Variants in M1AP observed in about 807,000 individuals in gnomAD.
M1AP encodes meiosis 1 arrest protein.
Under a neutral mutation model 51.2 loss-of-function variants are expected in M1AP, and 39 were observed. The ratio of observed to expected loss-of-function variants is 0.76; its 90% CI spans 0.59 to 1.00. M1AP has a LOEUF of 1.00. M1AP is among the 50% of genes least tolerant of loss of function. The probability of loss-of-function intolerance (pLI) is 0.00; values close to 1 mark genes in which losing one functional copy is unlikely to be tolerated. For missense variants in M1AP, 545 were observed against 641.2 expected (o/e 0.85, Z 1.62); for synonymous variants, 251 against 249.2 (o/e 1.01, Z -0.07).
intron 3 of M1AP, among the ~76,000 whole-genome samples, chr2:74,608,567 T>C (rs1681149527): frequency 6.6e-6 from 1 of 152,240 alleles, no homozygotes; most frequent in Non-Finnish European, 1.5e-5. Flanking sequence ...GATTTTTGTG[T>C]GGATAGGTTT....
chr2:74,563,075 T>TCC (rs1259549820), intron 7 of M1AP, among the ~76,000 whole-genome samples: 3 of 152,048 alleles, frequency 2.0e-5, no homozygotes, highest in Non-Finnish European at 4.4e-5. Flanking sequence ...CCCTGGAATG[T>TCC]CCAGAGAGGG....
Position 74,648,102 on chromosome 2 carries a change from G to T in M1AP, c.-53+163C>A, listed in dbSNP as rs1012690357. On this transcript the variant is annotated intron_variant, in intron 1 of 10. Coordinates refer to ENST00000421985, the MANE Select transcript of M1AP (RefSeq NM_001321739.2). ...AGGGATGACTCCGACAGCGATTTCG[G>T]AGCCTCTCTCGGCGTCAGTCTTGCG... 18 of 985,082 alleles carry T rather than the reference G, an allele frequency of 1.8e-5. No homozygotes were observed. The East Asian group carries it at 1.2e-3, about 68-fold the overall frequency. 61.0% of individuals were successfully genotyped at this position (985,082 alleles called of 1,614,324 possible).
chr2:74,614,780 A>G (rs190579371), intron 3 of M1AP, among the ~76,000 whole-genome samples, 184 bp downstream of exon 3: 1 of 152,330 alleles, frequency 6.6e-6, no homozygotes, highest in Admixed American at 6.5e-5. Flanking sequence ...TCTCTACATT[A>G]AGAACTGTAC....
intron 2 of M1AP, among the ~76,000 whole-genome samples, chr2:74,637,666 C>G (rs142547985): frequency 6.6e-6 from 1 of 152,298 alleles, no homozygotes; most frequent in Non-Finnish European, 1.5e-5. Flanking sequence ...TTATGCCCTA[C>G]TACTGAGGCA....
intron 2 of M1AP, among the ~76,000 whole-genome samples, chr2:74,623,542 T>C (rs1458662906): frequency 6.6e-6 from 1 of 151,976 alleles, no homozygotes. Context: ...TTTGAGGCAT[T>C]GAGACATACC....
In M1AP at chr2:74,640,372, T is replaced by C. The variant is rs973742888; in HGVS notation, c.-52-45A>G. On this transcript the variant is annotated intron_variant, in intron 1 of 10. Coordinates refer to ENST00000421985, the MANE Select transcript of M1AP (RefSeq NM_001321739.2). ...AACCACTGGTTTTCAAACTGAATTATGTGTGCTCTGTTGAAATATAAAATA... is the reference window on the plus strand; with the variant it reads ...AACCACTGGTTTTCAAACTGAATTACGTGTGCTCTGTTGAAATATAAAATA... 4.8e-6 allele frequency: 7 copies of C among 1,452,860 alleles called. No individual in the cohort carries two copies. The South Asian group carries it at 8.2e-5, about 17-fold the overall frequency. The allele number at this position is 1,452,860 out of a possible 1,614,324, so 90.0% of individuals were successfully genotyped here. A position where few individuals can be genotyped will look rare whatever the true frequency, so the allele number is the denominator to read the frequency against.
At chr2:74,628,079 T>C (rs1205613200) in intron 2 of M1AP, among the ~76,000 whole-genome samples, 1 of 152,226 alleles carries the variant, frequency 6.6e-6, no homozygotes, top group Non-Finnish European at 1.5e-5. Context: ...CTATGGAACA[T>C]GTACATACAC....
At chr2:74,605,534 T>C (rs941677011) in intron 4 of M1AP, among the ~76,000 whole-genome samples, 1 of 152,216 alleles carries the variant, frequency 6.6e-6, no homozygotes, top group Non-Finnish European at 1.5e-5. Flanking sequence ...TAGTACAGTA[T>C]TGTTATTTCT....
At chr2:74,598,651 G>C (rs1199032717) in intron 4 of M1AP, among the ~76,000 whole-genome samples, 1 of 135,736 alleles carries the variant, frequency 7.4e-6, no homozygotes, top group African/African-American at 2.9e-5. Flanking sequence ...TTGAGACAGA[G>C]TCTTGCTCTG....
chr2:74,613,346 A>G (rs1200200753), intron 3 of M1AP, among the ~76,000 whole-genome samples: 1 of 152,140 alleles, frequency 6.6e-6, no homozygotes, highest in East Asian at 1.9e-4. Context: ...ATAGTTGTAC[A>G]TGATGTTCCA....
intron 4 of M1AP, among the ~76,000 whole-genome samples, chr2:74,594,664 A>C (rs912286867): frequency 2.6e-5 from 4 of 152,156 alleles, no homozygotes; most frequent in African/African-American, 9.7e-5. Flanking sequence ...GCCTGAGCCC[A>C]GGAGTTTGAG....
chr2:74,629,667 G>C (rs1379847835), intron 2 of M1AP, among the ~76,000 whole-genome samples: 2 of 151,924 alleles, frequency 1.3e-5, no homozygotes, highest in African/African-American at 2.4e-5. Flanking sequence ...CAGGAGAATC[G>C]CTTGAACCTG....
intron 2 of M1AP, among the ~76,000 whole-genome samples, chr2:74,636,379 T>C (rs1050303270): frequency 5.3e-5 from 8 of 152,158 alleles, no homozygotes; most frequent in Non-Finnish European, 2.9e-5. Context: ...AGACAGGATA[T>C]AGTTGGGTCA....
intron 1 of M1AP, chr2:74,648,014 C>T (rs1683705832): frequency 3.0e-6 from 3 of 985,502 alleles, no homozygotes; most frequent in South Asian, 4.7e-5. Context: ...GGCCTGGGGG[C>T]CCCGCGGAGG....
At position 74,613,825 on chromosome 2, in the gene M1AP, A is replaced by G. The variant is rs140502237; in HGVS notation, c.426+1139T>C. Reference sequence around the variant, plus strand: ...AGGACTTGGTTGAGCTCCTGGAGGTAAAACTCACAAAAGTGTGGAGTGGTA... The same window carrying G: ...AGGACTTGGTTGAGCTCCTGGAGGTGAAACTCACAAAAGTGTGGAGTGGTA... On this transcript the variant is annotated intron_variant, in intron 3 of 10. Coordinates refer to ENST00000421985, the MANE Select transcript of M1AP (RefSeq NM_001321739.2). 7.0e-3 allele frequency among the ~76,000 whole-genome samples: 1,071 copies of G among 152,350 alleles called. 16 individuals carry two copies. The highest frequency in any genetic ancestry group is 0.025 in the African/African-American group (1,020 of 41,574).
intron 7 of M1AP, among the ~76,000 whole-genome samples, chr2:74,566,495 T>A (rs1485262069): frequency 1.3e-5 from 2 of 152,102 alleles, no homozygotes; most frequent in African/African-American, 4.8e-5. Context: ...CAGTTCAGCA[T>A]ATTTGGAGAA....
intron 2 of M1AP, among the ~76,000 whole-genome samples, chr2:74,634,362 C>A (rs1261862913): frequency 6.6e-6 from 1 of 152,148 alleles, no homozygotes. Flanking sequence ...AGGCTCTTAC[C>A]ACTTGACTTA....
intron 2 of M1AP, among the ~76,000 whole-genome samples, chr2:74,617,457 T>C (rs1234650332): frequency 2.0e-5 from 3 of 152,216 alleles, no homozygotes; most frequent in Non-Finnish European, 2.9e-5. Context: ...TTCTGACTTA[T>C]AAGTGCGAGC....
intron 2 of M1AP, among the ~76,000 whole-genome samples, chr2:74,626,993 T>C (rs1230772183): frequency 6.6e-6 from 1 of 152,216 alleles, no homozygotes; most frequent in African/African-American, 2.4e-5. Context: ...AGTTCTCCTG[T>C]TGGAAATTTT....
Sources: gnomAD v4.1 joint callset for allele counts (sites outside exome capture counted in the v4.1 genomes callset) on GRCh38, gnomAD v4.1.1 for gene constraint, MANE v1.5 for transcripts, NCBI Gene and HGNC (gene_info 2026-07-23, HGNC 2026-07-21) for gene names.